Variants in SLC27A2 observed in about 807,000 individuals in gnomAD.
SLC27A2 encodes the protein solute carrier family 27 member 2.
SLC27A2 carries 54 observed loss-of-function variants against 60.0 expected under a neutral mutation model. The ratio of observed to expected loss-of-function variants is 0.90; its 90% CI spans 0.72 to 1.13. The LOEUF is 1.13. Among genes scored for constraint, SLC27A2 ranks in the 50% most tolerant of loss-of-function variants. The pLI, the probability that SLC27A2 is intolerant of heterozygous loss-of-function variation, is 0.00. For synonymous variants in SLC27A2, 297 were observed against 297.6 expected (o/e 1.00, Z 0.02); for missense variants, 739 against 777.6 (o/e 0.95, Z 0.59).
intron 2 of SLC27A2, among the ~76,000 whole-genome samples, chr15:50,201,151 T>A (rs1037945101): frequency 2.0e-5 from 3 of 152,118 alleles, no homozygotes; most frequent in African/African-American, 7.2e-5. Context: ...CCCAGCTAAT[T>A]TGTTTTACTT....
chr15:50,183,531 G>C (rs981907743), intron 1 of SLC27A2, among the ~76,000 whole-genome samples: 1 of 152,158 alleles, frequency 6.6e-6, no homozygotes, highest in Non-Finnish European at 1.5e-5. Flanking sequence ...CTACAGGACC[G>C]TTGTGAGCCC....
At position 50,235,920 on chromosome 15, in the gene SLC27A2, G is replaced by A. The variant is rs1446137243; in HGVS notation, c.1687G>A (p.Asp563Asn). Residue 563 changes from aspartate to asparagine, a missense_variant and splice_region_variant, in exon 10 of 10, where the codon GAC becomes AAC. Coordinates refer to ENST00000267842, the MANE Select transcript of SLC27A2 (RefSeq NM_003645.4). ...ATGTGGATTATTTGATGTTTTTCAG[G>A]ACACCATTGAGATCACTGGAACTTT... ...YARPRFLRIQ[D>N]TIEITGTFKH... 2 of 1,603,896 alleles carry A rather than the reference G, an allele frequency of 1.2e-6. No homozygotes were observed. Among genetic ancestry groups the A allele is most frequent in the Non-Finnish European group, 1.7e-6 (2 of 1,173,374 alleles).
chr15:50,186,319 G>A (rs2044922129), intron 1 of SLC27A2, among the ~76,000 whole-genome samples: 1 of 152,190 alleles, frequency 6.6e-6, no homozygotes, highest in African/African-American at 2.4e-5. Context: ...GCCCAGGAAT[G>A]TGTATTTTTA....
intron 4 of SLC27A2, among the ~76,000 whole-genome samples, chr15:50,220,385 T>C (rs1185497464): frequency 1.3e-5 from 2 of 152,160 alleles, no homozygotes; most frequent in African/African-American, 4.8e-5. Context: ...GGGGATGACA[T>C]AGAGATACAT....
chr15:50,227,797 A>G lies in SLC27A2; in HGVS notation c.1457+619A>G, dbSNP rs546046646. ...TGCCTGTTCACCCCCAGCACCTACC[A>G]TGGTGCCTGGTGTCATTTTTTGCAT... On this transcript the variant is annotated intron_variant, in intron 7 of 9. Transcript: ENST00000267842. Among the ~76,000 whole-genome samples the G allele has an allele frequency of 2.8e-3, 430 of 152,234 alleles. 1 individual carries two copies. Among genetic ancestry groups the G allele is most frequent in the African/African-American group, 1.0e-2 (415 of 41,538 alleles).
chr15:50,193,199 T>A (rs1309123263), intron 1 of SLC27A2, among the ~76,000 whole-genome samples: 1 of 152,210 alleles, frequency 6.6e-6, no homozygotes, highest in Non-Finnish European at 1.5e-5. Context: ...ATCTTTCAGG[T>A]CTCAGTTTAC....
chr15:50,190,907 G>A (rs1365926623), intron 1 of SLC27A2: 1 of 152,138 alleles, frequency 6.6e-6, no homozygotes, highest in Non-Finnish European at 1.5e-5. Flanking sequence ...TTCAAGAAAA[G>A]ATCATCCATG....
At chr15:50,188,686 A>T (rs2140894839) in intron 1 of SLC27A2, among the ~76,000 whole-genome samples, 1 of 152,328 alleles carries the variant, frequency 6.6e-6, no homozygotes, top group South Asian at 2.1e-4. Context: ...TGGGCAGGGC[A>T]CGGTGGCTCA....
At chr15:50,188,534 C>T (rs2044943942) in intron 1 of SLC27A2, among the ~76,000 whole-genome samples, 1 of 152,248 alleles carries the variant, frequency 6.6e-6, no homozygotes, top group Non-Finnish European at 1.5e-5. Context: ...CTCTTCCCAA[C>T]TCTTTGGACT....
intron 9 of SLC27A2, 22 bp downstream of exon 9, chr15:50,234,020 T>G: frequency 6.3e-7 from 1 of 1,581,796 alleles, no homozygotes; most frequent in South Asian, 1.1e-5. Context: ...TATTATCCAG[T>G]TCAATGATCT....
At chr15:50,206,385 A>G (rs1033501562) in intron 4 of SLC27A2, among the ~76,000 whole-genome samples, 2 of 152,178 alleles carry the variant, frequency 1.3e-5, no homozygotes, top group Non-Finnish European at 2.9e-5. Context: ...CAGTCAGTTT[A>G]AACTCAAAGG....
chr15:50,200,321 G>T (rs1048258804), intron 2 of SLC27A2, among the ~76,000 whole-genome samples: 1 of 152,240 alleles, frequency 6.6e-6, no homozygotes, highest in South Asian at 2.1e-4. Flanking sequence ...CCAGATACCT[G>T]GGGGGCTGAG....
intron 8 of SLC27A2, among the ~76,000 whole-genome samples, chr15:50,232,993 G>T (rs2045326300): frequency 6.6e-6 from 1 of 152,178 alleles, no homozygotes; most frequent in African/African-American, 2.4e-5. Flanking sequence ...CGCTGGGTCT[G>T]CTGGATCAGG....
intron 9 of SLC27A2, 52 bp downstream of exon 9, chr15:50,234,050 C>A (rs768566991): frequency 3.3e-6 from 5 of 1,501,542 alleles, no homozygotes; most frequent in Non-Finnish European, 4.5e-6. Flanking sequence ...GAGATTCCTA[C>A]CACTTAGGGA....
At chr15:50,184,141 C>A (rs906212331) in intron 1 of SLC27A2, among the ~76,000 whole-genome samples, 2 of 151,828 alleles carry the variant, frequency 1.3e-5, no homozygotes, top group Non-Finnish European at 2.9e-5. Context: ...CAGGCATGCA[C>A]CACCATGCCC....
intron 1 of SLC27A2, among the ~76,000 whole-genome samples, chr15:50,195,311 G>GAAAAAAAAAAAAAAAAAAAAAA: frequency 9.0e-6 from 1 of 110,998 alleles, no homozygotes. Flanking sequence ...CTAAAAATAT[G>GAAAAAAAAAAAAAAAAAAAAAA]AAAAAAAAAA....
At chr15:50,183,283 A>G (rs1189443318) in intron 1 of SLC27A2, among the ~76,000 whole-genome samples, 1 of 152,222 alleles carries the variant, frequency 6.6e-6, no homozygotes, top group Non-Finnish European at 1.5e-5. Flanking sequence ...ATTAAAATGC[A>G]GAGGATCTTG....
intron 4 of SLC27A2, among the ~76,000 whole-genome samples, chr15:50,217,979 G>A (rs1472423506): frequency 2.7e-5 from 4 of 150,626 alleles, no homozygotes; most frequent in South Asian, 2.1e-4. Flanking sequence ...ATTTGAACCC[G>A]GGAGGCAGAG....
chr15:50,225,779 A>G (rs1354892178), intron 5 of SLC27A2, among the ~76,000 whole-genome samples: 1 of 152,218 alleles, frequency 6.6e-6, no homozygotes, highest in Non-Finnish European at 1.5e-5. Flanking sequence ...AAGTCAGAAT[A>G]GTAGTTAACT....
Sources: gnomAD v4.1 joint callset for allele counts (sites outside exome capture counted in the v4.1 genomes callset) on GRCh38, gnomAD v4.1.1 for gene constraint, MANE v1.5 for transcripts, NCBI Gene and HGNC (gene_info 2026-07-23, HGNC 2026-07-21) for gene names.